Variants in GLT1D1 observed in about 807,000 individuals in gnomAD.
GLT1D1 encodes glycosyltransferase 1 domain containing 1.
GLT1D1 carries 21 observed loss-of-function variants against 28.7 expected under a neutral mutation model. The observed-to-expected ratio is 0.73, with a 90% CI of 0.52 to 1.05. The LOEUF (loss-of-function observed/expected upper bound fraction) is 1.05, where lower values mean the gene tolerates loss of function less well. Ranked by LOEUF, GLT1D1 falls within the 50% of genes least tolerant of loss-of-function variation. The pLI is 0.00. For synonymous variants in GLT1D1, 147 were observed against 124.8 expected (o/e 1.18, Z -1.19); for missense variants, 343 against 330.6 (o/e 1.04, Z -0.29).
chr12:128,958,830 C>CTTTTTTTTTTT (rs71072432), intron 7 of GLT1D1, among the ~76,000 whole-genome samples: 1 of 83,856 alleles, frequency 1.2e-5, no homozygotes, highest in African/African-American at 5.0e-5. Context: ...AAATAAAAAT[C>CTTTTTTTTTTT]TTTTTTTTTT....
At chr12:128,884,641 C>T (rs781514213) in intron 2 of GLT1D1, among the ~76,000 whole-genome samples, 15 of 151,964 alleles carry the variant, frequency 9.9e-5, no homozygotes, top group Non-Finnish European at 1.5e-4. Context: ...ATAGTGAAAC[C>T]CTGTCTCTGT....
At chr12:128,953,787 C>G (rs1166476650) in intron 6 of GLT1D1, among the ~76,000 whole-genome samples, 3 of 151,532 alleles carry the variant, frequency 2.0e-5, no homozygotes, top group Non-Finnish European at 4.4e-5. Context: ...ACTCTGTTGC[C>G]CAGGCTGGAG....
chr12:128,917,134 C>T (rs936602388), intron 4 of GLT1D1, among the ~76,000 whole-genome samples: 3 of 152,018 alleles, frequency 2.0e-5, no homozygotes, highest in Non-Finnish European at 4.4e-5. Context: ...CTGGTGCCTT[C>T]GTTGAAAGTC....
intron 7 of GLT1D1, among the ~76,000 whole-genome samples, chr12:128,971,253 T>G (rs117796565): frequency 1.3e-5 from 2 of 152,130 alleles, no homozygotes; most frequent in Non-Finnish European, 2.9e-5. Context: ...CCCATGTAAA[T>G]GCTTTTGGCT....
At chr12:128,876,954 G>A (rs1956883731) in intron 2 of GLT1D1, among the ~76,000 whole-genome samples, 1 of 152,162 alleles carries the variant, frequency 6.6e-6, no homozygotes, top group Non-Finnish European at 1.5e-5. Context: ...CAGAGTATGA[G>A]CTTTCAATTA....
intron 4 of GLT1D1, 131 bp downstream of exon 8, chr12:128,927,285 C>A: frequency 2.8e-6 from 2 of 710,156 alleles, no homozygotes; most frequent in South Asian, 1.8e-5. Flanking sequence ...GTCCCCCAGG[C>A]TGGAGTGCAG....
At chr12:128,915,456 C>G (rs1228356017) in intron 4 of GLT1D1, among the ~76,000 whole-genome samples, 1 of 151,882 alleles carries the variant, frequency 6.6e-6, no homozygotes, top group Non-Finnish European at 1.5e-5. Context: ...CCTCTACCTC[C>G]CGGGTTCAAG....
At chr12:128,931,888 CATGTGAGGAT>C (rs1490072769) in intron 4 of GLT1D1, among the ~76,000 whole-genome samples, 6 of 146,004 alleles carry the variant, frequency 4.1e-5, no homozygotes, top group Non-Finnish European at 7.4e-5. Flanking sequence ...ACACTGTGTT[CATGTGAGGAT>C]ATGTGCACAC....
At chr12:128,973,085 C>T (rs1483674854) in intron 7 of GLT1D1, among the ~76,000 whole-genome samples, 1 of 151,976 alleles carries the variant, frequency 6.6e-6, no homozygotes, top group Non-Finnish European at 1.5e-5. Context: ...GGTAACCAAC[C>T]TCCTACTCTG....
intron 6 of GLT1D1, among the ~76,000 whole-genome samples, chr12:128,953,454 G>T: frequency 6.6e-6 from 1 of 152,170 alleles, no homozygotes; most frequent in East Asian, 1.9e-4. Flanking sequence ...TGGAATTATA[G>T]GCATGAGCCA....
At chr12:128,937,739 G>A (rs1056534123) in intron 4 of GLT1D1, among the ~76,000 whole-genome samples, 4 of 152,064 alleles carry the variant, frequency 2.6e-5, no homozygotes, top group East Asian at 1.9e-4. Context: ...GTAAGTTCTC[G>A]GGATCTGATG....
chr12:128,857,233 G>A (rs1956245034), intron 1 of GLT1D1, among the ~76,000 whole-genome samples: 1 of 152,134 alleles, frequency 6.6e-6, no homozygotes, highest in Admixed American at 6.5e-5. Context: ...TTCTGTTGGT[G>A]GTGCACTTTT....
intron 4 of GLT1D1, 125 bp from the exon 7 acceptor site, chr12:128,926,234 A>G (rs187621859): frequency 3.9e-4 from 107 of 276,844 alleles, no homozygotes; most frequent in African/African-American, 2.3e-3. Context: ...AATAATAATA[A>G]TAAGAGTAGG....
At position 128,903,775 on chromosome 12, in the gene GLT1D1, A is replaced by G. The variant is rs1354199954; in HGVS notation, c.375+4488A>G. 3.3e-5 allele frequency among the ~76,000 whole-genome samples: 5 copies of G among 151,612 alleles called. 1 individual carries two copies. The highest frequency in any genetic ancestry group is 1.2e-4 in the African/African-American group (5 of 41,042). ...AGATGGAATCTTGCTCTGTCACCCA[A>G]GGTGAAGTACAGTGGCGCAATCTCA... On this transcript the variant is annotated intron_variant, in intron 4 of 7. Coordinates refer to ENST00000281703, the MANE Select transcript of GLT1D1 (RefSeq NM_144669.3).
intron 4 of GLT1D1, among the ~76,000 whole-genome samples, chr12:128,907,763 T>A (rs1432388311): frequency 1.3e-5 from 2 of 152,184 alleles, no homozygotes; most frequent in East Asian, 3.9e-4. Flanking sequence ...AACTCAGAAG[T>A]ATGAAAAACG....
At chr12:128,967,570 G>T (rs470466) in intron 7 of GLT1D1, among the ~76,000 whole-genome samples, 1 of 152,120 alleles carries the variant, frequency 6.6e-6, no homozygotes, top group Non-Finnish European at 1.5e-5. Context: ...AGCTTGCAGC[G>T]CTGTGCACTA....
intron 4 of GLT1D1, among the ~76,000 whole-genome samples, chr12:128,939,520 G>A (rs1411584381): frequency 2.6e-5 from 4 of 152,004 alleles, no homozygotes; most frequent in African/African-American, 2.4e-5. Flanking sequence ...CCAGGAGTTC[G>A]AGACCAGCCT....
chr12:128,860,120 G>T (rs12425323), intron 1 of GLT1D1, among the ~76,000 whole-genome samples: 29,113 of 152,186 alleles, frequency 0.19, 3,346 homozygotes, highest in Admixed American at 0.27. Flanking sequence ...CCTAAGCAAT[G>T]TAACATTAGC....
At chr12:128,881,434 C>T (rs1372025965) in intron 2 of GLT1D1, among the ~76,000 whole-genome samples, 1 of 139,708 alleles carries the variant, frequency 7.2e-6, no homozygotes, top group East Asian at 2.2e-4. Context: ...CTTGGGAGGC[C>T]GAGGCAGGAG....
Sources: allele counts gnomAD v4.1 joint callset (sites outside exome capture counted in the v4.1 genomes callset), GRCh38; gene constraint gnomAD v4.1.1; transcripts MANE v1.5; gene names NCBI Gene and HGNC (gene_info 2026-07-23, HGNC 2026-07-21).